The following OSR1 variants were observed in gnomAD, a reference collection of about 807,000 sequenced individuals.
OSR1 encodes the protein protein odd-skipped-related 1.
OSR1 carries 3 observed loss-of-function variants against 15.7 expected under a neutral mutation model. The ratio of observed to expected loss-of-function variants is 0.19; its 90% CI spans 0.09 to 0.50. The LOEUF (loss-of-function observed/expected upper bound fraction) is 0.50, where lower values mean the gene tolerates loss of function less well. OSR1 is among the 20% of genes least tolerant of loss of function. OSR1 has a pLI of 0.97. For synonymous variants in OSR1, 166 were observed against 152.7 expected, an observed-to-expected ratio of 1.09 and a Z score of -0.64; for missense variants, 271 against 351.1, an observed-to-expected ratio of 0.77 and a Z score of 1.82.
At position 19,351,591 on chromosome 2, in the gene OSR1, C is replaced by A. The variant is rs1375971599; in HGVS notation, c.*684G>T. ...AAAGTGCCAATCGCAATATAACGCC[C>A]GGCTCTTGGCTGGCTGCTCCCTCGC... is the stretch of plus-strand genomic sequence containing the variant. On this transcript the variant is annotated 3_prime_UTR_variant, in exon 3 of 3. Transcript: ENST00000272223. 1 of 152,666 alleles carries A rather than the reference C, an allele frequency of 6.6e-6. No homozygotes were observed. Among genetic ancestry groups the A allele is most frequent in the Non-Finnish European group, 1.5e-5 (1 of 68,052 alleles). 9.5% of individuals were successfully genotyped at this position (152,666 alleles called of 1,614,324 possible).
chr2:19,357,877 T>C lies in OSR1; in HGVS notation c.-33+464A>G, dbSNP rs1398888415. 6.6e-6 allele frequency: 1 copy of C among 152,378 alleles called. No individual in the cohort carries two copies. Among genetic ancestry groups the C allele is most frequent in the African/African-American group, 2.4e-5 (1 of 41,482 alleles). The allele number at this position is 152,378 out of a possible 1,614,324, so 9.4% of individuals were successfully genotyped here. ...ACGAAAGCGCTACCGAGCTGGGGCA[T>C]GCACCTGTCCCTGGCGCGGTCGGCT... On this transcript the variant is annotated intron_variant, in intron 1 of 2. Transcript: ENST00000272223. The surrounding 1 kb of genome is among the most constrained non-coding windows in gnomAD (Gnocchi z 5.0).
chr2:19,355,372 C>G (rs142838401), intron 1 of OSR1: 34 of 152,738 alleles, frequency 2.2e-4, no homozygotes, highest in African/African-American at 7.2e-4. Flanking sequence ...TTGGCGTGCC[C>G]CCTCCCCAGG....
Position 19,353,031 on chromosome 2 carries a change from G to A in OSR1, c.665+110C>T, listed in dbSNP as rs531647844. ...CCTTCTTGATTTTAAAGAATTCCCTGAAGCTCCAGAGGCTTGGAGCCAGTA... is the reference window on the plus strand; with the variant it reads ...CCTTCTTGATTTTAAAGAATTCCCTAAAGCTCCAGAGGCTTGGAGCCAGTA... On this transcript the variant is annotated intron_variant, in intron 2 of 2. Transcript: ENST00000272223. 8 of 1,315,184 alleles carry A rather than the reference G, an allele frequency of 6.1e-6. No homozygotes were observed. The African/African-American group carries it at 1.2e-4, about 19-fold the overall frequency. The allele number at this position is 1,315,184 out of a possible 1,614,324, so 81.5% of individuals were successfully genotyped here.
downstream of OSR1, among the ~76,000 whole-genome samples, chr2:19,350,687 G>A (rs1412362409): frequency 6.6e-6 from 1 of 152,116 alleles, no homozygotes; most frequent in Non-Finnish European, 1.5e-5. Context: ...CCAAGGAGAA[G>A]AGCCCCGGCG....
At chr2:19,351,230 T>G (rs937252756), downstream of OSR1, among the ~76,000 whole-genome samples, 2 of 152,154 alleles carry the variant, frequency 1.3e-5, no homozygotes, top group Non-Finnish European at 2.9e-5. Context: ...CACAGCACTT[T>G]AGCGGTGAGG....
chr2:19,349,478 TA>T (rs1191280284), downstream of OSR1, among the ~76,000 whole-genome samples: 1 of 152,164 alleles, frequency 6.6e-6, no homozygotes, highest in Non-Finnish European at 1.5e-5. Context: ...ATCCCCAATT[TA>T]AAATTCTGCA....
the OSR1 span, among the ~76,000 whole-genome samples, chr2:19,345,081 G>A: frequency 6.6e-6 from 1 of 151,930 alleles, no homozygotes; most frequent in African/African-American, 2.4e-5. Flanking sequence ...ATATATCTTT[G>A]ATGGAACTAC....
At chr2:19,348,979 C>T (rs1664787490), downstream of OSR1, among the ~76,000 whole-genome samples, 1 of 152,244 alleles carries the variant, frequency 6.6e-6, no homozygotes, top group African/African-American at 2.4e-5. Flanking sequence ...CCAGCACCAT[C>T]GGCCTCTTTT....
the OSR1 span, among the ~76,000 whole-genome samples, chr2:19,345,892 C>T: frequency 6.6e-6 from 1 of 152,218 alleles, no homozygotes; most frequent in African/African-American, 2.4e-5. Context: ...AAGCAAATTT[C>T]AATATTTAAG....
At chr2:19,354,387 TCTCA>T in intron 1 of OSR1, 1 of 131,442 alleles carries the variant, frequency 7.6e-6, no homozygotes, top group Non-Finnish European at 1.6e-5. Flanking sequence ...AACCCCTGAA[TCTCA>T]CACACACACA....
intron 1 of OSR1, 42 bp from the exon 2 acceptor site, chr2:19,353,879 A>T (rs962112706): frequency 6.8e-7 from 1 of 1,476,808 alleles, no homozygotes; most frequent in African/African-American, 1.4e-5. Flanking sequence ...AGAGGAATAA[A>T]GAAGTTCAGG....
intron 1 of OSR1, chr2:19,356,141 G>T: frequency 6.6e-6 from 1 of 152,614 alleles, no homozygotes; most frequent in Non-Finnish European, 1.5e-5. Flanking sequence ...CCTGCACACT[G>T]TCCCGAACCC....
intron 1 of OSR1, chr2:19,356,307 G>T (rs1664948988): frequency 6.6e-6 from 1 of 152,238 alleles, no homozygotes; most frequent in Admixed American, 6.5e-5. Flanking sequence ...AACCTTTCCG[G>T]GCTATCTGCC....
At chr2:19,346,932 G>C (rs1030758445), downstream of OSR1, among the ~76,000 whole-genome samples, 1 of 152,182 alleles carries the variant, frequency 6.6e-6, no homozygotes, top group East Asian at 1.9e-4. Flanking sequence ...TAACTCCCTG[G>C]GTTCCACAAA....
chr2:19,353,243 T>A lies in OSR1; in HGVS notation c.563A>T (p.Tyr188Phe). Residue 188 changes from tyrosine (Y) to phenylalanine (F), a missense_variant, in exon 2 of 3, where the codon TAC becomes TTC. By Grantham distance (22) the Tyr-to-Phe change is conservative. Coordinates refer to ENST00000272223, the MANE Select transcript of OSR1 (RefSeq NM_145260.3). ...KFCGRHFTKS[Y>F]NLLIHERTHT... ...CGTCCGCTCATGGATAAGTAGGTTGTAGGACTTGGTGAAGTGGCGGCCACA... is the reference window on the plus strand; with the variant it reads ...CGTCCGCTCATGGATAAGTAGGTTGAAGGACTTGGTGAAGTGGCGGCCACA... 1 of 1,614,196 alleles carries A rather than the reference T, an allele frequency of 6.2e-7. No individual in the cohort carries two copies. The highest frequency in any genetic ancestry group is 8.5e-7 in the Non-Finnish European group (1 of 1,180,018).
intron 1 of OSR1, 73 bp from the exon 2 acceptor site, chr2:19,353,910 A>G: frequency 7.9e-7 from 1 of 1,267,928 alleles, no homozygotes; most frequent in Non-Finnish European, 1.1e-6. Flanking sequence ...TTCCTCCTGA[A>G]TTCCAGCCGA....
chr2:19,345,347 C>T, the OSR1 span, among the ~76,000 whole-genome samples: 5 of 151,894 alleles, frequency 3.3e-5, no homozygotes, highest in Admixed American at 3.3e-4. Flanking sequence ...GTTGCCATTG[C>T]TTTTGGTGTT....
At chr2:19,347,699 A>G (rs1664755410), downstream of OSR1, among the ~76,000 whole-genome samples, 1 of 152,182 alleles carries the variant, frequency 6.6e-6, no homozygotes, top group Non-Finnish European at 1.5e-5. Flanking sequence ...TACCTCAGAG[A>G]GGCTGCCCAA....
chr2:19,353,945 C>T, intron 1 of OSR1, 108 bp from the exon 2 acceptor site: 2 of 918,942 alleles, frequency 2.2e-6, no homozygotes, highest in East Asian at 2.7e-5. Flanking sequence ...TCACACCCAG[C>T]GCAGGAGCTA....
Sources: allele counts gnomAD v4.1 joint callset (sites outside exome capture counted in the v4.1 genomes callset), GRCh38; gene constraint gnomAD v4.1.1; non-coding constraint Gnocchi (gnomAD v3.1); transcripts MANE v1.5; gene names NCBI Gene and HGNC (gene_info 2026-07-23, HGNC 2026-07-21).